The following DTNA variants were observed in gnomAD, a reference collection of about 807,000 sequenced individuals.
DTNA encodes dystrophin-related protein 3.
Under a neutral mutation model 100.7 loss-of-function variants are expected in DTNA, and 43 were observed. The ratio of observed to expected loss-of-function variants is 0.43; its 90% CI spans 0.33 to 0.55. The LOEUF is 0.55. Among genes scored for constraint, DTNA ranks in the 20% least tolerant of loss-of-function variants. The probability of loss-of-function intolerance (pLI) is 0.04; values close to 1 mark genes in which losing one functional copy is unlikely to be tolerated. For missense variants in DTNA, 798 were observed against 953.9 expected, an observed-to-expected ratio of 0.84 and a Z score of 2.15; for synonymous variants, 349 against 347.9, an observed-to-expected ratio of 1.00 and a Z score of -0.04.
At chr18:34,741,844 G>A (rs2090711009) in intron 1 of DTNA, among the ~76,000 whole-genome samples, 1 of 152,084 alleles carries the variant, frequency 6.6e-6, no homozygotes, top group Non-Finnish European at 1.5e-5. Context: ...TCAAATATTA[G>A]TATATAACAA....
intron 1 of DTNA, among the ~76,000 whole-genome samples, chr18:34,684,272 A>G (rs2078546686): frequency 6.6e-6 from 1 of 151,816 alleles, no homozygotes; most frequent in South Asian, 2.1e-4. Context: ...TACATTAGGT[A>G]TTTCTCCTAA....
chr18:34,720,334 A>G (rs2085019955), intron 1 of DTNA, among the ~76,000 whole-genome samples: 1 of 152,226 alleles, frequency 6.6e-6, no homozygotes, highest in Non-Finnish European at 1.5e-5. Flanking sequence ...AACTGAAATA[A>G]GAAAGTCAAT....
chr18:34,759,472 G>A (rs2092996086), intron 2 of DTNA, among the ~76,000 whole-genome samples: 1 of 152,130 alleles, frequency 6.6e-6, no homozygotes, highest in African/African-American at 2.4e-5. Flanking sequence ...ATCAAGCCTT[G>A]TTTAAAAGCC....
chr18:34,776,367 T>C (rs112850604), intron 3 of DTNA, among the ~76,000 whole-genome samples: 4 of 152,272 alleles, frequency 2.6e-5, no homozygotes, highest in African/African-American at 9.6e-5. Context: ...AGAGTCTTAC[T>C]CTGTCGCCCA....
At chr18:34,862,139 AAAAAG>A (rs896348047) in intron 16 of DTNA, among the ~76,000 whole-genome samples, 4 of 149,878 alleles carry the variant, frequency 2.7e-5, no homozygotes, top group African/African-American at 1.0e-4. Context: ...AAAAAAAAAA[AAAAAG>A]AGAAAGAGAA....
At chr18:34,527,212 T>G (rs2042709237) in intron 1 of DTNA, among the ~76,000 whole-genome samples, 1 of 151,990 alleles carries the variant, frequency 6.6e-6, no homozygotes, top group Non-Finnish European at 1.5e-5. Flanking sequence ...AGGTAATATC[T>G]CTCTGCTAAA....
intron 1 of DTNA, among the ~76,000 whole-genome samples, chr18:34,627,161 A>C (rs2057436319): frequency 6.6e-6 from 1 of 152,230 alleles, no homozygotes; most frequent in African/African-American, 2.4e-5. Context: ...AAAAAAAAAA[A>C]AATCGATTCA....
In DTNA at chr18:34,614,167, T is replaced by C. The variant is rs952841074; in HGVS notation, c.-2+120653T>C. On this transcript the variant is annotated intron_variant, in intron 1 of 19. Coordinates refer to the DTNA transcript ENST00000283365. The stretch of plus-strand genomic sequence containing the variant: ...GATGATAATGCATCTGTTTATAGCA[T>C]GGTTTCCTGAATTTTTAAAAATATT... Among the ~76,000 whole-genome samples, 7 of 152,354 alleles carry C rather than the reference T, an allele frequency of 4.6e-5. 1 individual carries two copies. In the South Asian group the frequency reaches 8.3e-4, roughly 18 times the overall value.
At chr18:34,860,130 T>C (rs970325160) in intron 16 of DTNA, among the ~76,000 whole-genome samples, 2 of 151,674 alleles carry the variant, frequency 1.3e-5, no homozygotes, top group African/African-American at 4.8e-5. Flanking sequence ...CACTGCAACC[T>C]CTGCCCCTCC....
intron 1 of DTNA, among the ~76,000 whole-genome samples, chr18:34,602,859 C>T (rs1249882423): frequency 2.6e-5 from 4 of 151,466 alleles, no homozygotes; most frequent in Admixed American, 6.6e-5. Context: ...AAAAATCAGC[C>T]GGGCGTGGTG....
rs778273823 is a variant in DTNA, at chr18:34,890,324, C to A, written c.*2590C>A. On this transcript the variant is annotated 3_prime_UTR_variant, in exon 23 of 23. Coordinates refer to ENST00000444659, the MANE Select transcript of DTNA (RefSeq NM_001386795.1). ...GCTCCACGTCAGCACTGAGACCAGA[C>A]TCGAGCACCCCTGTCCTGTAAGCGA... 3 of 1,536,072 alleles carry A rather than the reference C, an allele frequency of 2.0e-6. No homozygotes were observed. In the South Asian group the frequency reaches 3.6e-5, roughly 18 times the overall value.
intron 1 of DTNA, among the ~76,000 whole-genome samples, chr18:34,704,316 C>T (rs1314355989): frequency 6.6e-6 from 1 of 152,208 alleles, no homozygotes; most frequent in Non-Finnish European, 1.5e-5. Context: ...ACTCCTACAT[C>T]TCATCTTGGT....
chr18:34,784,731 TTAA>T (rs1270320099), intron 3 of DTNA, among the ~76,000 whole-genome samples: 1 of 152,194 alleles, frequency 6.6e-6, no homozygotes, highest in African/African-American at 2.4e-5. Flanking sequence ...TCATATTTTG[TTAA>T]ATCACCAATA....
intron 1 of DTNA, chr18:34,574,151 C>T (rs1367917010): frequency 1.3e-5 from 2 of 152,368 alleles, no homozygotes; most frequent in Non-Finnish European, 2.9e-5. Context: ...GACATAGCCC[C>T]CTTTTCATCT....
chr18:34,621,912 T>C (rs1417635018), intron 1 of DTNA, among the ~76,000 whole-genome samples: 1 of 152,112 alleles, frequency 6.6e-6, no homozygotes, highest in Non-Finnish European at 1.5e-5. Flanking sequence ...AAACAACACA[T>C]TGTACATAGT....
intron 15 of DTNA, among the ~76,000 whole-genome samples, chr18:34,852,576 AC>A (rs2149958096): frequency 6.6e-6 from 1 of 152,256 alleles, no homozygotes; most frequent in South Asian, 2.1e-4. Flanking sequence ...TGTTCCCATC[AC>A]ACTTCAGTTA....
At chr18:34,730,663 A>G (rs2087891277) in intron 1 of DTNA, among the ~76,000 whole-genome samples, 1 of 152,224 alleles carries the variant, frequency 6.6e-6, no homozygotes, top group Non-Finnish European at 1.5e-5. Context: ...GAGGGCTCAC[A>G]TAAAGTTGGC....
Position 34,812,980 on chromosome 18 carries a change from G to A in DTNA, c.603+867G>A, listed in dbSNP as rs534562700. Among the ~76,000 whole-genome samples, 18 of 152,254 alleles carry A rather than the reference G, an allele frequency of 1.2e-4. No homozygotes were observed. The South Asian group carries it at 3.7e-3, about 32-fold the overall frequency. On this transcript the variant is annotated intron_variant, in intron 6 of 22. Transcript: ENST00000444659. ...CAGCATGACACATTTGGGGTTCCAA[G>A]TGATGTGTTTTAACTGGGTATGGCT...
At chr18:34,617,923 T>C (rs2055653935) in intron 1 of DTNA, among the ~76,000 whole-genome samples, 1 of 152,168 alleles carries the variant, frequency 6.6e-6, no homozygotes, top group Admixed American at 6.5e-5. Context: ...ACCCATGATA[T>C]CTCTGAGGTA....
Sources: allele counts gnomAD v4.1 joint callset (sites outside exome capture counted in the v4.1 genomes callset), GRCh38; gene constraint gnomAD v4.1.1; transcripts MANE v1.5; gene names NCBI Gene and HGNC (gene_info 2026-07-23, HGNC 2026-07-21).